KDM4C: variants seen among roughly 807,000 people sequenced by gnomAD.
The protein encoded by KDM4C is lysine demethylase 4C.
KDM4C carries 81 observed loss-of-function variants against 129.3 expected under a neutral mutation model. The ratio of observed to expected loss-of-function variants is 0.63; its 90% CI spans 0.52 to 0.75. The LOEUF (loss-of-function observed/expected upper bound fraction) is 0.75. KDM4C is among the 30% of genes least tolerant of loss of function. The probability of loss-of-function intolerance (pLI) is 0.00; values close to 1 mark genes in which losing one functional copy is unlikely to be tolerated. For synonymous variants in KDM4C, 573 were observed against 456.1 expected (o/e 1.26, Z -3.26); for missense variants, 1,457 against 1,304.0 (o/e 1.12, Z -1.81).
chr9:6,884,336 A>G (rs574124047), intron 6 of KDM4C, among the ~76,000 whole-genome samples: 24 of 152,334 alleles, frequency 1.6e-4, no homozygotes, highest in African/African-American at 3.8e-4. Context: ...TCTGCATACA[A>G]TGTAGGTCAT....
At chr9:7,068,544 G>C (rs1223427481) in intron 17 of KDM4C, among the ~76,000 whole-genome samples, 1 of 152,160 alleles carries the variant, frequency 6.6e-6, no homozygotes, top group African/African-American at 2.4e-5. Flanking sequence ...AATTATTTCA[G>C]AACGTGCCAG....
intron 15 of KDM4C, among the ~76,000 whole-genome samples, chr9:7,031,326 G>T (rs547028450): frequency 1.3e-5 from 2 of 151,732 alleles, no homozygotes; most frequent in African/African-American, 2.4e-5. Flanking sequence ...CCATGCCCAG[G>T]TTTTTTGTAT....
intron 8 of KDM4C, among the ~76,000 whole-genome samples, chr9:6,918,932 A>G (rs778396102): frequency 2.6e-5 from 4 of 151,800 alleles, no homozygotes; most frequent in African/African-American, 4.8e-5. Context: ...GCTCACTGCA[A>G]CCTCTGCTGC....
At position 6,966,670 on chromosome 9, in the gene KDM4C, C is replaced by G. The variant is rs1317608563; in HGVS notation, c.922-14255C>G. 2.6e-5 allele frequency among the ~76,000 whole-genome samples: 4 copies of G among 152,122 alleles called. No homozygotes were observed. In the East Asian group the frequency reaches 7.7e-4, roughly 29 times the overall value. Reference sequence around the variant, plus strand: ...ATAGAAGAGTTAATCCACATCAGATCCATATTTATATATGGTATTTAGTTT... The same window carrying G: ...ATAGAAGAGTTAATCCACATCAGATGCATATTTATATATGGTATTTAGTTT... On this transcript the variant is annotated intron_variant, in intron 8 of 21. Coordinates refer to ENST00000381309, the MANE Select transcript of KDM4C (RefSeq NM_015061.6).
chr9:7,057,300 G>A (rs959625560), intron 17 of KDM4C, among the ~76,000 whole-genome samples: 1 of 152,254 alleles, frequency 6.6e-6, no homozygotes, highest in Non-Finnish European at 1.5e-5. Context: ...CTCCTGGTTA[G>A]ACACAGATAC....
chr9:6,867,493 A>G (rs1842225480), intron 5 of KDM4C, among the ~76,000 whole-genome samples: 2 of 152,156 alleles, frequency 1.3e-5, no homozygotes, highest in South Asian at 2.1e-4. Flanking sequence ...TTGTTGGGAA[A>G]AGTTTGCTTC....
intron 12 of KDM4C, among the ~76,000 whole-genome samples, chr9:7,008,692 A>G (rs1004713574): frequency 1.2e-4 from 19 of 152,176 alleles, no homozygotes; most frequent in Non-Finnish European, 2.8e-4. Flanking sequence ...TGAACCCAAG[A>G]TCCTGGCCTA....
At chr9:7,039,100 T>C (rs1345922264) in intron 15 of KDM4C, among the ~76,000 whole-genome samples, 4 of 152,014 alleles carry the variant, frequency 2.6e-5, no homozygotes, top group African/African-American at 9.7e-5. Flanking sequence ...TGTCCTAACT[T>C]CATCAGTATA....
chr9:6,748,176 C>A (rs200241631), intron 1 of KDM4C, among the ~76,000 whole-genome samples: 22 of 58,102 alleles, frequency 3.8e-4, no homozygotes, highest in Admixed American at 6.8e-4. Context: ...AAAAAAAAAA[C>A]AAACAAACAA....
At chr9:7,066,149 G>A (rs536569085) in intron 17 of KDM4C, among the ~76,000 whole-genome samples, 2 of 152,158 alleles carry the variant, frequency 1.3e-5, no homozygotes, top group Admixed American at 6.5e-5. Context: ...TAGAATAAAG[G>A]TCACTTTTTT....
intron 19 of KDM4C, among the ~76,000 whole-genome samples, chr9:7,149,744 T>C (rs1254160367): frequency 6.6e-6 from 1 of 152,212 alleles, no homozygotes; most frequent in Non-Finnish European, 1.5e-5. Context: ...TGGTCGATGG[T>C]GGCAGCCAGT....
intron 17 of KDM4C, among the ~76,000 whole-genome samples, chr9:7,086,862 G>A (rs1388294025): frequency 6.6e-6 from 1 of 152,194 alleles, no homozygotes; most frequent in East Asian, 1.9e-4. Context: ...CCAGCCTGCA[G>A]TCTGCAGGGT....
intron 8 of KDM4C, among the ~76,000 whole-genome samples, chr9:6,908,792 T>A (rs1392917111): frequency 6.6e-6 from 1 of 152,168 alleles, no homozygotes; most frequent in African/African-American, 2.4e-5. Flanking sequence ...TTACAGGTAA[T>A]ATCATCTTGG....
intron 8 of KDM4C, among the ~76,000 whole-genome samples, chr9:6,898,769 T>G (rs1816872203): frequency 6.6e-6 from 1 of 152,246 alleles, no homozygotes; most frequent in African/African-American, 2.4e-5. Context: ...AAGTTAGATA[T>G]TTCTTAAATC....
intron 18 of KDM4C, among the ~76,000 whole-genome samples, chr9:7,106,165 C>T (rs1837661997): frequency 6.6e-6 from 1 of 152,148 alleles, no homozygotes; most frequent in Non-Finnish European, 1.5e-5. Flanking sequence ...TGGGAACTAA[C>T]CAGTAGGAAT....
intron 1 of KDM4C, among the ~76,000 whole-genome samples, chr9:6,775,625 C>T (rs1363754970): frequency 6.6e-6 from 1 of 151,858 alleles, no homozygotes; most frequent in East Asian, 1.9e-4. Flanking sequence ...CAGGTTCAAG[C>T]AATTCTTCTG....
chr9:7,085,667 T>A (rs1835029418), intron 17 of KDM4C, among the ~76,000 whole-genome samples: 1 of 152,178 alleles, frequency 6.6e-6, no homozygotes, highest in South Asian at 2.1e-4. Context: ...AGGGTTTTTT[T>A]ATATTTTAAT....
At chr9:6,992,883 C>G (rs1198863176) in intron 12 of KDM4C, among the ~76,000 whole-genome samples, 1 of 152,166 alleles carries the variant, frequency 6.6e-6, no homozygotes, top group African/African-American at 2.4e-5. Flanking sequence ...TCTATTGAAG[C>G]TGGAAAGTTT....
At chr9:7,129,216 A>T (rs1047407065) in intron 19 of KDM4C, among the ~76,000 whole-genome samples, 9 of 152,306 alleles carry the variant, frequency 5.9e-5, no homozygotes, top group Admixed American at 1.3e-4. Flanking sequence ...TGCACTTGAA[A>T]ATTAAATGTA....
Sources: allele counts gnomAD v4.1 joint callset (sites outside exome capture counted in the v4.1 genomes callset), GRCh38; gene constraint gnomAD v4.1.1; transcripts MANE v1.5; gene names NCBI Gene and HGNC (gene_info 2026-07-23, HGNC 2026-07-21).